The following PTPRD variants were observed in gnomAD, a reference collection of about 807,000 sequenced individuals.
PTPRD encodes protein tyrosine phosphatase receptor type D.
PTPRD carries 34 observed loss-of-function variants against 214.5 expected under a neutral mutation model. That is an observed-to-expected ratio of 0.16 (90% confidence interval 0.12 to 0.21). The LOEUF is 0.21. PTPRD is among the 10% of genes least tolerant of loss of function. The pLI is 1.00. For missense variants in PTPRD, 2,545 were observed against 2,398.7 expected, an observed-to-expected ratio of 1.06 and a Z score of -1.27; for synonymous variants, 1,128 against 845.7, an observed-to-expected ratio of 1.33 and a Z score of -5.79.
chr9:9,596,499 G>T (rs1002741512), intron 7 of PTPRD, among the ~76,000 whole-genome samples: 1 of 151,934 alleles, frequency 6.6e-6, no homozygotes, highest in African/African-American at 2.4e-5. Flanking sequence ...CTAATACACA[G>T]AAATATTTTT....
chr9:10,568,106 C>A (rs199636887), intron 2 of PTPRD, among the ~76,000 whole-genome samples: 6 of 125,282 alleles, frequency 4.8e-5, no homozygotes, highest in Non-Finnish European at 8.4e-5. Context: ...CCTAATGCTA[C>A]CCCTCCCCCC....
At chr9:9,410,354 T>A (rs1374344822) in intron 8 of PTPRD, among the ~76,000 whole-genome samples, 1 of 152,178 alleles carries the variant, frequency 6.6e-6, no homozygotes, top group Non-Finnish European at 1.5e-5. Flanking sequence ...AAAAATAAAA[T>A]ACTTTTAGAC....
At chr9:9,014,120 T>C (rs536588) in intron 11 of PTPRD, among the ~76,000 whole-genome samples, 58,648 of 151,300 alleles carry the variant, frequency 0.39, 11,665 homozygotes, top group Middle Eastern at 0.48. Context: ...AGGAATAGTA[T>C]CTGTTTTTGG....
At chr9:8,630,161 G>A (rs142120673) in intron 14 of PTPRD, among the ~76,000 whole-genome samples, 1 of 151,792 alleles carries the variant, frequency 6.6e-6, no homozygotes, top group African/African-American at 2.4e-5. Flanking sequence ...CAGTAAAGCA[G>A]GGAGAAAGTA....
intron 9 of PTPRD, among the ~76,000 whole-genome samples, chr9:9,315,308 T>A (rs1190341637): frequency 6.6e-6 from 1 of 151,988 alleles, no homozygotes. Context: ...ACTTATTGAA[T>A]GCTACCATAT....
intron 34 of PTPRD, among the ~76,000 whole-genome samples, chr9:8,447,771 C>T (rs899762130): frequency 1.5e-4 from 23 of 152,098 alleles, no homozygotes; most frequent in Admixed American, 3.3e-4. Context: ...TTTCTGCCTC[C>T]GGTGGAAGAC....
chr9:9,302,490 C>A (rs1488312317), intron 9 of PTPRD, among the ~76,000 whole-genome samples: 1 of 36,444 alleles, frequency 2.7e-5, no homozygotes, highest in Admixed American at 2.5e-4. Flanking sequence ...AGATAAGGCC[C>A]ATGTAACTTG....
intron 11 of PTPRD, among the ~76,000 whole-genome samples, chr9:8,991,398 T>A (rs983233252): frequency 6.6e-6 from 1 of 152,014 alleles, no homozygotes; most frequent in Non-Finnish European, 1.5e-5. Flanking sequence ...AGACTTTCTT[T>A]TCACCCCCTA....
chr9:9,687,187 G>A (rs1377865494), intron 7 of PTPRD, among the ~76,000 whole-genome samples: 3 of 151,804 alleles, frequency 2.0e-5, no homozygotes, highest in Middle Eastern at 3.2e-3. Context: ...AGGCACACTC[G>A]TGAGTTCCTA....
chr9:8,509,560 G>C (rs1209895427), intron 21 of PTPRD, among the ~76,000 whole-genome samples: 1 of 152,154 alleles, frequency 6.6e-6, no homozygotes, highest in African/African-American at 2.4e-5. Flanking sequence ...CTGCTCTCGG[G>C]ATAATAATTG....
chr9:9,457,860 A>G (rs1175068023), intron 8 of PTPRD, among the ~76,000 whole-genome samples: 1 of 152,068 alleles, frequency 6.6e-6, no homozygotes, highest in African/African-American at 2.4e-5. Flanking sequence ...CAAAGGGCAT[A>G]GAGCAGTCCA....
chr9:9,486,656 T>C (rs1020825849), intron 8 of PTPRD, among the ~76,000 whole-genome samples: 6 of 152,280 alleles, frequency 3.9e-5, no homozygotes, highest in East Asian at 3.9e-4. Flanking sequence ...AAACAGGCTA[T>C]GTTGGCACTG....
chr9:10,056,554 T>C (rs990160501), intron 3 of PTPRD, among the ~76,000 whole-genome samples: 2 of 152,148 alleles, frequency 1.3e-5, no homozygotes, highest in African/African-American at 2.4e-5. Context: ...GTGTTTTTAA[T>C]AGTAAGTCAG....
chr9:9,366,961 A>T (rs1353961915), intron 9 of PTPRD, among the ~76,000 whole-genome samples: 1 of 151,476 alleles, frequency 6.6e-6, no homozygotes, highest in Non-Finnish European at 1.5e-5. Flanking sequence ...AAAATGAAAA[A>T]AATTACAAAA....
Position 8,512,349 on chromosome 9 carries a change from A to G in PTPRD, c.1544-4915T>C, listed in dbSNP as rs1410861510. ...TCTCAACAGTCATTAAATATAAATGAGAAAAAGTTAAATTTTATTATAGTT... is the reference window on the plus strand; with the variant it reads ...TCTCAACAGTCATTAAATATAAATGGGAAAAAGTTAAATTTTATTATAGTT... On this transcript the variant is annotated intron_variant, in intron 21 of 45. Coordinates refer to ENST00000381196, the MANE Select transcript of PTPRD (RefSeq NM_002839.4). 5.3e-5 allele frequency among the ~76,000 whole-genome samples: 8 copies of G among 152,206 alleles called. No homozygotes were observed. In the East Asian group the frequency reaches 1.5e-3, roughly 29 times the overall value.
chr9:8,962,377 T>C (rs2099163182), intron 11 of PTPRD, among the ~76,000 whole-genome samples: 1 of 152,120 alleles, frequency 6.6e-6, no homozygotes, highest in South Asian at 2.1e-4. Flanking sequence ...ACCTTGGGAC[T>C]TTCCTATGAA....
At chr9:9,188,224 T>A (rs2099932860) in intron 9 of PTPRD, among the ~76,000 whole-genome samples, 1 of 152,146 alleles carries the variant, frequency 6.6e-6, no homozygotes, top group Non-Finnish European at 1.5e-5. Flanking sequence ...ATTCATGTTG[T>A]AATTTGTCAA....
chr9:10,306,977 G>A (rs1334343063), intron 3 of PTPRD, among the ~76,000 whole-genome samples: 1 of 152,094 alleles, frequency 6.6e-6, no homozygotes, highest in African/African-American at 2.4e-5. Context: ...TGGGGTACAT[G>A]TGATATTTTG....
chr9:8,449,442 C>G (rs909045692), intron 34 of PTPRD, among the ~76,000 whole-genome samples: 7 of 152,090 alleles, frequency 4.6e-5, no homozygotes, highest in Non-Finnish European at 1.0e-4. Context: ...AAACAATAAT[C>G]AAAGCCCATA....
Sources: gnomAD v4.1 joint callset for allele counts (sites outside exome capture counted in the v4.1 genomes callset) on GRCh38, gnomAD v4.1.1 for gene constraint, MANE v1.5 for transcripts, NCBI Gene and HGNC (gene_info 2026-07-23, HGNC 2026-07-21) for gene names.